The following RPTOR variants were observed in gnomAD, a reference collection of about 807,000 sequenced individuals.
RPTOR encodes the protein regulatory associated protein of MTOR complex 1, also known as regulatory-associated protein of mTOR.
RPTOR carries 21 observed loss-of-function variants against 169.9 expected under a neutral mutation model. The ratio of observed to expected loss-of-function variants is 0.12; its 90% CI spans 0.09 to 0.18. The LOEUF (loss-of-function observed/expected upper bound fraction) is 0.18, where lower values mean the gene tolerates loss of function less well. RPTOR is among the 10% of genes least tolerant of loss of function. RPTOR has a pLI of 1.00. For synonymous variants in RPTOR, 732 were observed against 753.2 expected, an observed-to-expected ratio of 0.97 and a Z score of 0.46; for missense variants, 1,133 against 1,855.9, an observed-to-expected ratio of 0.61 and a Z score of 7.16.
At chr17:80,546,691 TCTCTAGG>T (rs1269966448) in intron 1 of RPTOR, among the ~76,000 whole-genome samples, 1 of 152,218 alleles carries the variant, frequency 6.6e-6, no homozygotes, top group East Asian at 1.9e-4. Flanking sequence ...TGTTTGATTT[TCTCTAGG>T]CTTATGTATA....
chr17:80,841,564 G>A (rs2067658963), intron 10 of RPTOR, among the ~76,000 whole-genome samples: 1 of 126,318 alleles, frequency 7.9e-6, no homozygotes, highest in African/African-American at 3.2e-5. Flanking sequence ...TCACCGCACG[G>A]CAGATCACTC....
chr17:80,852,517 G>A (rs1430722953), intron 11 of RPTOR, among the ~76,000 whole-genome samples: 1 of 152,054 alleles, frequency 6.6e-6, no homozygotes, highest in East Asian at 1.9e-4. Flanking sequence ...TCACCAGCAC[G>A]GGGAACCTGC....
chr17:80,599,222 A>G (rs998741975), intron 1 of RPTOR, among the ~76,000 whole-genome samples: 1 of 151,650 alleles, frequency 6.6e-6, no homozygotes, highest in Non-Finnish European at 1.5e-5. Flanking sequence ...CTGTGAGGAA[A>G]CCCCGCAGCC....
rs374892747 is a variant in RPTOR, at chr17:80,606,130, G to A, written c.163-19561G>A. Among the ~76,000 whole-genome samples the A allele has an allele frequency of 9.2e-5, 14 of 152,066 alleles. No individual in the cohort carries two copies. The East Asian group carries it at 2.5e-3, about 27-fold the overall frequency. On this transcript the variant is annotated intron_variant, in intron 1 of 33. Transcript: ENST00000306801. The stretch of plus-strand genomic sequence containing the variant: ...GGGTTCACGCCGTTCTCCTGCCTCA[G>A]CCTCCCAAGTAGCTGGGACTACAGG...
chr17:80,718,977 T>C (rs1350630825), intron 4 of RPTOR, among the ~76,000 whole-genome samples: 1 of 152,130 alleles, frequency 6.6e-6, no homozygotes, highest in African/African-American at 2.4e-5. Context: ...CCTCAGGACC[T>C]TCCTAGGACA....
In RPTOR at chr17:80,743,749, CCCTGGCTACTAGCACTCT is replaced by C. The variant is rs1223155870; in HGVS notation, c.655-10255_655-10238del. Among the ~76,000 whole-genome samples, 294 of 108,194 alleles carry C rather than the reference CCCTGGCTACTAGCACTCT, an allele frequency of 2.7e-3. 4 individuals are homozygous for C. Among genetic ancestry groups the C allele is most frequent in the Middle Eastern group, 0.011 (2 of 180 alleles). 71.0% of individuals were successfully genotyped at this position (108,194 alleles called of 152,430 possible). A position where few individuals can be genotyped will look rare whatever the true frequency, so the allele number is the denominator to read the frequency against. ...AGCACAGCCCTGGCTACTAGCAGAG[CCCTGGCTACTAGCACTCT>C]CCTGGTTACTAGCAGAGCCCTGGCT... On this transcript the variant is annotated intron_variant, in intron 5 of 33. Transcript: ENST00000306801.
At chr17:80,859,192 G>A (rs888841217) in intron 13 of RPTOR, among the ~76,000 whole-genome samples, 6 of 152,186 alleles carry the variant, frequency 3.9e-5, no homozygotes, top group Non-Finnish European at 7.4e-5. Context: ...TGGGGACCTC[G>A]TCTACCCAGT....
intron 6 of RPTOR, among the ~76,000 whole-genome samples, chr17:80,760,797 T>C (rs551656292): frequency 6.7e-6 from 1 of 149,894 alleles, no homozygotes; most frequent in South Asian, 2.2e-4. Context: ...CCCTTTACTA[T>C]GTAAATAAGA....
intron 3 of RPTOR, among the ~76,000 whole-genome samples, chr17:80,685,199 G>GCACCTCATTCGGAGC: frequency 6.6e-6 from 1 of 151,262 alleles, no homozygotes. Flanking sequence ...ATTCAGGGTC[G>GCACCTCATTCGGAGC]CTTGTTGCGT....
chr17:80,732,672 T>C (rs1393273055), intron 5 of RPTOR, among the ~76,000 whole-genome samples: 1 of 152,264 alleles, frequency 6.6e-6, no homozygotes, highest in Admixed American at 6.5e-5. Context: ...TGTGTGTTTC[T>C]ATTACACTTA....
intron 1 of RPTOR, among the ~76,000 whole-genome samples, chr17:80,603,314 G>A (rs1488100203): frequency 2.0e-5 from 3 of 152,230 alleles, no homozygotes; most frequent in African/African-American, 7.2e-5. Flanking sequence ...GGCATAAAAG[G>A]TGATTTTTCT....
At chr17:80,664,198 G>T (rs1483360592) in intron 3 of RPTOR, among the ~76,000 whole-genome samples, 1 of 152,144 alleles carries the variant, frequency 6.6e-6, no homozygotes, top group Admixed American at 6.5e-5. Flanking sequence ...TCTCATGGGG[G>T]CTGGGCTTCC....
rs754043181 is a variant in RPTOR at position 80,945,710 on chromosome 17, C to T, written c.3069C>T (p.Pro1023=). 6.2e-6 allele frequency: 10 copies of T among 1,611,740 alleles called. No homozygotes were observed. The highest frequency in any genetic ancestry group is 2.2e-5 in the East Asian group (1 of 44,604). The change falls in exon 26 of 34, where the codon CCC becomes CCT. Residue 1023 remains proline (P), a synonymous_variant. Coordinates refer to ENST00000306801, the MANE Select transcript of RPTOR (RefSeq NM_020761.3). ...LDDQIFLNRN[P]GVPSVVKFHP... ...ACCAAATATTTCTGAACAGGAACCC[C>T]GGCGTCCCCTCTGTGGTGAAATTCC...
At chr17:80,840,808 ACTCTCACCACGCCGCAGCTCACACT>A (rs2143688259) in intron 10 of RPTOR, among the ~76,000 whole-genome samples, 1 of 109,758 alleles carries the variant, frequency 9.1e-6, no homozygotes, top group African/African-American at 3.6e-5. Flanking sequence ...ACGGCAGCTC[ACTCTCACCACGCCGCAGCTCACACT>A]CACCGCACGG....
chr17:80,712,269 C>T (rs1383819022), intron 4 of RPTOR, among the ~76,000 whole-genome samples: 2 of 152,126 alleles, frequency 1.3e-5, no homozygotes, highest in African/African-American at 4.8e-5. Context: ...GATGTACATG[C>T]TGCAGATTTT....
At chr17:80,922,903 C>G in intron 22 of RPTOR, 76 bp downstream of exon 22, 1 of 1,171,834 alleles carries the variant, frequency 8.5e-7, no homozygotes, top group Non-Finnish European at 1.2e-6. Flanking sequence ...CCTGAGCCGG[C>G]CTCCCCATCC....
chr17:80,653,717 C>T (rs2065658352), intron 3 of RPTOR, among the ~76,000 whole-genome samples: 1 of 152,212 alleles, frequency 6.6e-6, no homozygotes, highest in African/African-American at 2.4e-5. Flanking sequence ...CCCCACTCAG[C>T]AGTTACGCTG....
chr17:80,603,747 A>T (rs1322831335), intron 1 of RPTOR, among the ~76,000 whole-genome samples: 1 of 152,218 alleles, frequency 6.6e-6, no homozygotes, highest in Non-Finnish European at 1.5e-5. Flanking sequence ...CCCCAGAACA[A>T]GGTAGACCAA....
At chr17:80,787,680 G>A (rs996091873) in intron 6 of RPTOR, among the ~76,000 whole-genome samples, 2 of 151,960 alleles carry the variant, frequency 1.3e-5, no homozygotes, top group African/African-American at 4.8e-5. Flanking sequence ...CTAGTTCTTG[G>A]CATTGCCATT....
Sources: gnomAD v4.1 joint callset for allele counts (sites outside exome capture counted in the v4.1 genomes callset) on GRCh38, gnomAD v4.1.1 for gene constraint, MANE v1.5 for transcripts, NCBI Gene and HGNC (gene_info 2026-07-23, HGNC 2026-07-21) for gene names.